Variants in EFNA5 observed in about 807,000 individuals in gnomAD.
The protein encoded by EFNA5 is ephrin-A5.
In EFNA5, 5 loss-of-function variants were observed where a neutral mutation model predicts 22.9. That is an observed-to-expected ratio of 0.22 (90% CI 0.11 to 0.46). The LOEUF (loss-of-function observed/expected upper bound fraction) is 0.46, where lower values mean the gene tolerates loss of function less well. Ranked by LOEUF, EFNA5 falls within the 20% of genes least tolerant of loss-of-function variation. The probability of loss-of-function intolerance (pLI) is 0.99; values close to 1 mark genes in which losing one functional copy is unlikely to be tolerated. For synonymous variants in EFNA5, 113 were observed against 112.2 expected (o/e 1.01, Z -0.04); for missense variants, 237 against 293.3 (o/e 0.81, Z 1.40).
chr5:107,503,256 G>T (rs917744963), intron 1 of EFNA5, among the ~76,000 whole-genome samples: 1 of 152,174 alleles, frequency 6.6e-6, no homozygotes, highest in Middle Eastern at 3.4e-3. Context: ...ATCTGCCTTC[G>T]GTGCACAGTG....
intron 1 of EFNA5, among the ~76,000 whole-genome samples, chr5:107,461,088 C>T (rs1749824908): frequency 6.6e-6 from 1 of 152,086 alleles, no homozygotes; most frequent in African/African-American, 2.4e-5. Flanking sequence ...ATTCTGACCA[C>T]ATGCACATTT....
At position 107,380,504 on chromosome 5, in the gene EFNA5, AC is replaced by A. The variant is rs1180314980; in HGVS notation, c.*750del. The A allele has an allele frequency of 2.3e-5, 6 of 256,026 alleles. No homozygotes were observed. The highest frequency in any genetic ancestry group is 4.3e-5 in the Non-Finnish European group (6 of 140,244). 15.9% of individuals were successfully genotyped at this position (256,026 alleles called of 1,614,324 possible). A position where few individuals can be genotyped will look rare whatever the true frequency, so the allele number is the denominator to read the frequency against. ...AAATTAGAGGCACTCACACATACACACCCCCAGCAAACCTGTAGTTTTCTCT... is the reference window on the plus strand; with the variant it reads ...AAATTAGAGGCACTCACACATACACACCCCAGCAAACCTGTAGTTTTCTCT... On this transcript the variant is annotated 3_prime_UTR_variant, in exon 5 of 5. Transcript: ENST00000333274.
At chr5:107,396,769 T>G (rs1561368386) in intron 2 of EFNA5, among the ~76,000 whole-genome samples, 1 of 152,104 alleles carries the variant, frequency 6.6e-6, no homozygotes, top group Non-Finnish European at 1.5e-5. Flanking sequence ...TGAGAGAATT[T>G]AGAGAATTAG....
At chr5:107,656,862 C>T (rs1041472995) in intron 1 of EFNA5, among the ~76,000 whole-genome samples, 1 of 151,942 alleles carries the variant, frequency 6.6e-6, no homozygotes, top group Admixed American at 6.6e-5. Context: ...TGAAATAAAA[C>T]CAAAAAATTT....
intron 2 of EFNA5, among the ~76,000 whole-genome samples, chr5:107,412,990 T>C (rs1158957694): frequency 6.6e-6 from 1 of 152,198 alleles, no homozygotes; most frequent in East Asian, 1.9e-4. Flanking sequence ...TCATGGAAGC[T>C]ACCATTAATT....
chr5:107,402,011 A>G (rs961556904), intron 2 of EFNA5, among the ~76,000 whole-genome samples: 1 of 152,210 alleles, frequency 6.6e-6, no homozygotes, highest in Non-Finnish European at 1.5e-5. Context: ...TTTTGACTTT[A>G]TAGAAAAAGG....
chr5:107,575,197 A>T (rs1013818350), intron 1 of EFNA5, among the ~76,000 whole-genome samples: 7 of 152,362 alleles, frequency 4.6e-5, no homozygotes, highest in Middle Eastern at 3.4e-3. Context: ...AGCAGCCTTT[A>T]GTCTGTAAGA....
intron 1 of EFNA5, among the ~76,000 whole-genome samples, chr5:107,610,589 C>T (rs26729): frequency 0.24 from 36,633 of 152,146 alleles, 4,929 homozygotes; most frequent in Non-Finnish European, 0.3. Context: ...ATCATTGAAT[C>T]ATCACAAAAC....
intron 1 of EFNA5, among the ~76,000 whole-genome samples, chr5:107,552,043 T>G (rs904793388): frequency 3.3e-5 from 5 of 151,498 alleles, no homozygotes; most frequent in Non-Finnish European, 7.4e-5. Context: ...AGACTCAAGT[T>G]TTTTTTTTCA....
intron 1 of EFNA5, among the ~76,000 whole-genome samples, chr5:107,523,800 G>A (rs1200641268): frequency 6.6e-6 from 1 of 152,182 alleles, no homozygotes; most frequent in Admixed American, 6.5e-5. Context: ...ATGCATGGGT[G>A]CTTTTATATT....
intron 1 of EFNA5, among the ~76,000 whole-genome samples, chr5:107,543,166 A>G (rs1748080258): frequency 1.3e-5 from 2 of 152,274 alleles, no homozygotes; most frequent in Admixed American, 1.3e-4. Flanking sequence ...AGAGTTACAC[A>G]ACAGCTGATA....
intron 1 of EFNA5, among the ~76,000 whole-genome samples, chr5:107,513,838 T>C (rs1040083289): frequency 2.6e-5 from 4 of 151,952 alleles, no homozygotes; most frequent in African/African-American, 7.3e-5. Context: ...TAGCTATGGA[T>C]GGATGAGCAG....
chr5:107,474,623 G>A (rs74645910), intron 1 of EFNA5, among the ~76,000 whole-genome samples: 6,896 of 152,142 alleles, frequency 0.045, 218 homozygotes, highest in East Asian at 0.14. Flanking sequence ...TAGCATCCTG[G>A]GATGGCTTTA....
chr5:107,517,754 C>T (rs924378826), intron 1 of EFNA5, among the ~76,000 whole-genome samples: 3 of 152,090 alleles, frequency 2.0e-5, no homozygotes, highest in African/African-American at 7.2e-5. Context: ...AAGCAGGCTA[C>T]GTAAAAGACT....
intron 1 of EFNA5, among the ~76,000 whole-genome samples, chr5:107,458,121 C>G (rs1288355397): frequency 6.6e-6 from 1 of 152,162 alleles, no homozygotes; most frequent in African/African-American, 2.4e-5. Context: ...CCAGTCAGAG[C>G]TAAATGTAAT....
At position 107,428,191 on chromosome 5, in the gene EFNA5, G is replaced by A. The variant is rs115678375; in HGVS notation, c.126-682C>T. The stretch of plus-strand genomic sequence containing the variant: ...TCAGTGCTTTTCTTAGATCTGCTAC[G>A]TCAGAAACTTATTTTAGTGCATCTC... On this transcript the variant is annotated intron_variant, in intron 1 of 4. Transcript: ENST00000333274. Among the ~76,000 whole-genome samples, 661 of 152,296 alleles carry A rather than the reference G, an allele frequency of 4.3e-3. 7 individuals carry two copies. Among genetic ancestry groups the A allele is most frequent in the African/African-American group, 0.015 (627 of 41,558 alleles).
intron 1 of EFNA5, among the ~76,000 whole-genome samples, chr5:107,601,998 C>T (rs1749606753): frequency 6.6e-6 from 1 of 152,140 alleles, no homozygotes; most frequent in African/African-American, 2.4e-5. Context: ...TGTATTTAAA[C>T]TATCCCTTAA....
intron 1 of EFNA5, among the ~76,000 whole-genome samples, chr5:107,637,298 A>G (rs1202888899): frequency 6.6e-6 from 1 of 152,212 alleles, no homozygotes; most frequent in East Asian, 1.9e-4. Context: ...ACTTTTGGTT[A>G]AAATAAGTCA....
chr5:107,644,044 T>C (rs17160302), intron 1 of EFNA5, among the ~76,000 whole-genome samples: 22,801 of 152,050 alleles, frequency 0.15, 2,301 homozygotes, highest in South Asian at 0.41. Context: ...AGAGTAGCTC[T>C]CAGTATCTGT....
Sources: gnomAD v4.1 joint callset for allele counts (sites outside exome capture counted in the v4.1 genomes callset) on GRCh38, gnomAD v4.1.1 for gene constraint, MANE v1.5 for transcripts, NCBI Gene and HGNC (gene_info 2026-07-23, HGNC 2026-07-21) for gene names.